The following RBBP4 variants were observed in gnomAD, a reference collection of about 807,000 sequenced individuals.
RBBP4 encodes the protein histone-binding protein RBBP4.
Under a neutral mutation model 57.2 loss-of-function variants are expected in RBBP4, and 3 were observed. The ratio of observed to expected loss-of-function variants is 0.05; its 90% CI spans 0.02 to 0.14. The LOEUF is 0.14. Among genes scored for constraint, RBBP4 ranks in the 10% least tolerant of loss-of-function variants. The pLI is 1.00. For synonymous variants in RBBP4, 151 were observed against 171.5 expected (o/e 0.88, Z 0.93); for missense variants, 107 against 520.6 (o/e 0.21, Z 7.73).
intron 3 of RBBP4, among the ~76,000 whole-genome samples, chr1:32,661,724 A>G (rs1359907417): frequency 6.6e-6 from 1 of 151,352 alleles, no homozygotes; most frequent in Non-Finnish European, 1.5e-5. Flanking sequence ...CAACTTTTTA[A>G]TAATAGCCAT....
At chr1:32,661,040 C>G (rs1313672312) in intron 3 of RBBP4, among the ~76,000 whole-genome samples, 4 of 151,984 alleles carry the variant, frequency 2.6e-5, no homozygotes, top group Non-Finnish European at 5.9e-5. Flanking sequence ...CTGAAAACTC[C>G]TGGGCTCTTG....
At chr1:32,675,803 A>G (rs187140169) in intron 11 of RBBP4, among the ~76,000 whole-genome samples, 1 of 152,150 alleles carries the variant, frequency 6.6e-6, no homozygotes, top group Non-Finnish European at 1.5e-5. Flanking sequence ...AAAAAGTATG[A>G]TTAGGGGCTG....
At chr1:32,667,673 C>T (rs1020752931) in intron 3 of RBBP4, among the ~76,000 whole-genome samples, 40 of 152,282 alleles carry the variant, frequency 2.6e-4, no homozygotes, top group Admixed American at 5.2e-4. Flanking sequence ...TTCTAGTTTT[C>T]CTTAATTTCA....
rs948153814 is a variant in RBBP4 at position 32,681,300 on chromosome 1, C to T, written c.*1595C>T. ...GAGTATAGTGAGAAATACCTTGACA[C>T]AATTTTAAGAGTAAACTATATGGGT... On this transcript the variant is annotated 3_prime_UTR_variant, in exon 12 of 12. Coordinates refer to ENST00000373493, the MANE Select transcript of RBBP4 (RefSeq NM_005610.3). 6.5e-6 allele frequency: 1 copy of T among 152,794 alleles called. No individual in the cohort carries two copies. Among genetic ancestry groups the T allele is most frequent in the South Asian group, 2.1e-4 (1 of 4,874 alleles). 9.5% of individuals were successfully genotyped at this position (152,794 alleles called of 1,614,324 possible). A position where few individuals can be genotyped will look rare whatever the true frequency, so the allele number is the denominator to read the frequency against.
rs1649386881 is a variant in RBBP4, at chr1:32,680,843, A to G, written c.*1138A>G. 5.7e-6 allele frequency: 2 copies of G among 351,094 alleles called. No homozygotes were observed. The highest frequency in any genetic ancestry group is 1.0e-5 in the Non-Finnish European group (2 of 194,392). 21.7% of individuals were successfully genotyped at this position (351,094 alleles called of 1,614,324 possible). A position where few individuals can be genotyped will look rare whatever the true frequency, so the allele number is the denominator to read the frequency against. Reference sequence around the variant, plus strand: ...CCAGGGAAAGTGAAAGACATAAAACACTGAATCAGAGGTGGCACAGATTAG... The same window carrying G: ...CCAGGGAAAGTGAAAGACATAAAACGCTGAATCAGAGGTGGCACAGATTAG... On this transcript the variant is annotated 3_prime_UTR_variant, in exon 12 of 12. Coordinates refer to ENST00000373493, the MANE Select transcript of RBBP4 (RefSeq NM_005610.3).
At chr1:32,672,420 C>T (rs1477687526) in intron 8 of RBBP4, 30 bp from the exon 9 acceptor site, 6 of 1,482,962 alleles carry the variant, frequency 4.0e-6, no homozygotes, top group Non-Finnish European at 4.6e-6. Context: ...TAATTCATGG[C>T]TTTGCTCTTT....
At chr1:32,660,814 TTTG>T (rs945161228) in intron 3 of RBBP4, among the ~76,000 whole-genome samples, 2 of 152,030 alleles carry the variant, frequency 1.3e-5, no homozygotes, top group South Asian at 2.1e-4. Context: ...TGATTGAGTT[TTTG>T]TTGTTATTTT....
At position 32,684,283 on chromosome 1, in the gene RBBP4, G is replaced by C; in HGVS notation, c.*4578G>C. 4 of 1,614,208 alleles carry C rather than the reference G, an allele frequency of 2.5e-6. No homozygotes were observed. The highest frequency in any genetic ancestry group is 3.4e-6 in the Non-Finnish European group (4 of 1,180,040). On this transcript the variant is annotated 3_prime_UTR_variant, in exon 12 of 12. Transcript: ENST00000373493. Reference sequence around the variant, plus strand: ...TTATAAGTAGAGAGCTCTTCAGCAAGACTGAGCCTTAGCTGTTCCATCTCT... The same window carrying C: ...TTATAAGTAGAGAGCTCTTCAGCAACACTGAGCCTTAGCTGTTCCATCTCT...
chr1:32,663,104 G>A (rs1648494442), intron 3 of RBBP4, among the ~76,000 whole-genome samples: 1 of 151,960 alleles, frequency 6.6e-6, no homozygotes, highest in Non-Finnish European at 1.5e-5. Context: ...AAGGTTCATG[G>A]ACTCAAAAAG....
In RBBP4 at chr1:32,678,567, CTTTTTTTTTTTTTTTTTTTTTT is replaced by C. The variant is rs558897341; in HGVS notation, c.1213-1054_1213-1033del. 4.2e-3 allele frequency among the ~76,000 whole-genome samples: 183 copies of C among 43,662 alleles called. 2 individuals carry two copies. Among genetic ancestry groups the C allele is most frequent in the Admixed American group, 0.027 (71 of 2,658 alleles). The allele number at this position is 43,662 out of a possible 152,430, so 28.6% of individuals were successfully genotyped here. A position where few individuals can be genotyped will look rare whatever the true frequency, so the allele number is the denominator to read the frequency against. On this transcript the variant is annotated intron_variant, in intron 11 of 11. Coordinates refer to ENST00000373493, the MANE Select transcript of RBBP4 (RefSeq NM_005610.3). ...AATAAAATCCTAAAGTATGTGACAG[CTTTTTTTTTTTTTTTTTTTTTT>C]TTTTTTTTTTTTTTTTTTGGCACAC... is the stretch of plus-strand genomic sequence containing the variant.
At chr1:32,671,087 AT>A in intron 8 of RBBP4, among the ~76,000 whole-genome samples, 1 of 152,268 alleles carries the variant, frequency 6.6e-6, no homozygotes, top group South Asian at 2.1e-4. Flanking sequence ...GCAAACTCTG[AT>A]TGTTGGATAT....
In RBBP4 at chr1:32,685,722, C is replaced by G. The variant is rs1649778419; in HGVS notation, c.*6017C>G. 1 of 152,200 alleles carries G rather than the reference C, an allele frequency of 6.6e-6. No individual in the cohort carries two copies. Among genetic ancestry groups the G allele is most frequent in the Admixed American group, 6.6e-5 (1 of 15,264 alleles). 9.4% of individuals were successfully genotyped at this position (152,200 alleles called of 1,614,324 possible). ...TGATTGCTCAGTCCTCACTACCTAC[C>G]AGACCCGTTGGTAAGGTACAAAAGT... On this transcript the variant is annotated 3_prime_UTR_variant, in exon 12 of 12. Transcript: ENST00000373493.
intron 3 of RBBP4, among the ~76,000 whole-genome samples, chr1:32,658,550 CTT>C (rs11419057): frequency 1.4e-5 from 2 of 139,598 alleles, no homozygotes; most frequent in African/African-American, 2.7e-5. Flanking sequence ...AAACGCTTTC[CTT>C]TTTTTTTTTT....
chr1:32,672,954 C>T, intron 11 of RBBP4, 53 bp downstream of exon 11: 1 of 1,363,388 alleles, frequency 7.3e-7, no homozygotes, highest in Non-Finnish European at 1.0e-6. Context: ...GACATAGAAT[C>T]AATTTACATT....
At chr1:32,659,245 C>T (rs569042326) in intron 3 of RBBP4, among the ~76,000 whole-genome samples, 10 of 151,114 alleles carry the variant, frequency 6.6e-5, no homozygotes, top group Admixed American at 1.3e-4. Context: ...ATGTAAAAAA[C>T]GCACCCCTTC....
At chr1:32,674,128 C>T (rs537036353) in intron 11 of RBBP4, among the ~76,000 whole-genome samples, 15 of 152,118 alleles carry the variant, frequency 9.9e-5, no homozygotes, top group Non-Finnish European at 1.6e-4. Context: ...GTATATATTC[C>T]GGAGATAGGT....
At position 32,669,478 on chromosome 1, in the gene RBBP4, G is replaced by C. The variant is rs149805684; in HGVS notation, c.889-8G>C. The C allele has an allele frequency of 5.7e-6, 9 of 1,589,868 alleles. No individual in the cohort carries two copies. The East Asian group carries it at 1.6e-4, about 28-fold the overall frequency. On this transcript the variant is annotated splice_region_variant and splice_polypyrimidine_tract_variant and intron_variant, in intron 7 of 11. Coordinates refer to ENST00000373493, the MANE Select transcript of RBBP4 (RefSeq NM_005610.3). The surrounding 1 kb of genome is among the most constrained non-coding windows in gnomAD (Gnocchi z 4.9). Reference sequence around the variant, plus strand: ...ATTGATTACTCTTGCTTTTCTTTTTGTACATAGACTGTTGCCTTGTGGGAT... The same window carrying C: ...ATTGATTACTCTTGCTTTTCTTTTTCTACATAGACTGTTGCCTTGTGGGAT...
chr1:32,675,485 A>T (rs1357783891), intron 11 of RBBP4, among the ~76,000 whole-genome samples: 1 of 149,796 alleles, frequency 6.7e-6, no homozygotes, highest in Non-Finnish European at 1.5e-5. Context: ...AAAAAGAAGG[A>T]TGGGCCAGGT....
chr1:32,652,097 T>G, intron 2 of RBBP4, 36 bp downstream of exon 2: 1 of 1,587,102 alleles, frequency 6.3e-7, no homozygotes, highest in Non-Finnish European at 8.6e-7. Context: ...TTTGATGTAT[T>G]TTCAGTGTAG....
Sources: gnomAD v4.1 joint callset for allele counts (sites outside exome capture counted in the v4.1 genomes callset) on GRCh38, gnomAD v4.1.1 for gene constraint, Gnocchi (gnomAD v3.1) non-coding constraint, MANE v1.5 for transcripts, NCBI Gene and HGNC (gene_info 2026-07-23, HGNC 2026-07-21) for gene names.